SLC4A10: variants seen among roughly 807,000 people sequenced by gnomAD.
SLC4A10 encodes sodium-driven chloride bicarbonate exchanger.
A neutral mutation model predicts 137.7 loss-of-function variants in SLC4A10; 42 were observed. The observed-to-expected ratio is 0.30, with a 90% CI of 0.24 to 0.39. The LOEUF is 0.39. Ranked by LOEUF, SLC4A10 falls within the 10% of genes least tolerant of loss-of-function variation. SLC4A10 has a pLI of 1.00. For synonymous variants in SLC4A10, 474 were observed against 464.1 expected (o/e 1.02, Z -0.27); for missense variants, 925 against 1,355.0 (o/e 0.68, Z 4.98).
intron 1 of SLC4A10, among the ~76,000 whole-genome samples, chr2:161,652,698 T>A (rs911074473): frequency 1.3e-5 from 2 of 152,020 alleles, no homozygotes; most frequent in Admixed American, 1.3e-4. Flanking sequence ...TGCCTAGAAA[T>A]TTTTCAGTTT....
chr2:161,965,286 T>A (rs1396751589), intron 23 of SLC4A10, 113 bp downstream of exon 23: 2 of 1,083,698 alleles, frequency 1.8e-6, no homozygotes, highest in South Asian at 1.7e-5. Flanking sequence ...TAGACAGTGA[T>A]CACTAACAAC....
chr2:161,656,109 G>A (rs1338604719), intron 1 of SLC4A10, among the ~76,000 whole-genome samples: 4 of 152,118 alleles, frequency 2.6e-5, no homozygotes, highest in African/African-American at 9.7e-5. Flanking sequence ...ACCAGGCCCA[G>A]CCAAAAATTC....
At chr2:161,710,339 G>C (rs770804670) in intron 1 of SLC4A10, among the ~76,000 whole-genome samples, 2 of 151,622 alleles carry the variant, frequency 1.3e-5, no homozygotes, top group Non-Finnish European at 3.0e-5. Flanking sequence ...GATTCCTCTT[G>C]GTATTGGTTT....
chr2:161,884,060 G>C (rs2062026418), intron 10 of SLC4A10, among the ~76,000 whole-genome samples: 1 of 151,914 alleles, frequency 6.6e-6, no homozygotes, highest in Admixed American at 6.6e-5. Flanking sequence ...AAGACAGGAG[G>C]ATGAAAAAAA....
At chr2:161,802,568 G>T (rs2055488237) in intron 2 of SLC4A10, among the ~76,000 whole-genome samples, 1 of 152,000 alleles carries the variant, frequency 6.6e-6, no homozygotes, top group South Asian at 2.1e-4. Flanking sequence ...ACTCATTATT[G>T]TAAGGCTTTG....
intron 2 of SLC4A10, among the ~76,000 whole-genome samples, chr2:161,803,272 A>G (rs1177426792): frequency 6.6e-6 from 1 of 152,090 alleles, no homozygotes; most frequent in African/African-American, 2.4e-5. Context: ...GTTCCCATGT[A>G]TTTCCTCTCC....
At chr2:161,671,716 A>G (rs573623689) in intron 1 of SLC4A10, among the ~76,000 whole-genome samples, 2 of 152,174 alleles carry the variant, frequency 1.3e-5, no homozygotes, top group African/African-American at 4.8e-5. Context: ...ACATCGTCTG[A>G]AAATAATCCA....
At chr2:161,944,411 T>C (rs1329611476) in intron 16 of SLC4A10, among the ~76,000 whole-genome samples, 1 of 151,888 alleles carries the variant, frequency 6.6e-6, no homozygotes, top group African/African-American at 2.4e-5. Context: ...AATTTAATAC[T>C]AAATAATAAT....
At chr2:161,879,578 A>G (rs1303113714) in intron 9 of SLC4A10, among the ~76,000 whole-genome samples, 3 of 140,590 alleles carry the variant, frequency 2.1e-5, no homozygotes, top group Non-Finnish European at 4.6e-5. Flanking sequence ...CATTTTTGGT[A>G]AAAGAAGTGG....
At chr2:161,782,578 A>G (rs568376637) in intron 2 of SLC4A10, among the ~76,000 whole-genome samples, 1 of 151,808 alleles carries the variant, frequency 6.6e-6, no homozygotes, top group East Asian at 1.9e-4. Flanking sequence ...TAACTGTCAT[A>G]AAGATGCTCA....
At chr2:161,641,554 G>C (rs1210579152) in intron 1 of SLC4A10, among the ~76,000 whole-genome samples, 1 of 152,076 alleles carries the variant, frequency 6.6e-6, no homozygotes, top group Non-Finnish European at 1.5e-5. Context: ...TCTTGTAGCA[G>C]TTATACCATA....
intron 15 of SLC4A10, among the ~76,000 whole-genome samples, chr2:161,940,974 A>G (rs1049168784): frequency 6.6e-6 from 1 of 152,176 alleles, no homozygotes; most frequent in Non-Finnish European, 1.5e-5. Flanking sequence ...TACCACAGCA[A>G]AAAGGCTGGA....
At chr2:161,630,579 G>A (rs1301526031) in intron 1 of SLC4A10, among the ~76,000 whole-genome samples, 1 of 151,718 alleles carries the variant, frequency 6.6e-6, no homozygotes, top group African/African-American at 2.4e-5. Context: ...TATGATGCTA[G>A]TTAATGGCAG....
intron 15 of SLC4A10, among the ~76,000 whole-genome samples, chr2:161,929,504 A>G (rs1350008942): frequency 6.6e-6 from 1 of 152,200 alleles, no homozygotes; most frequent in Non-Finnish European, 1.5e-5. Context: ...TCAACAAGTC[A>G]CACATATTTT....
At chr2:161,896,905 A>C (rs567064819) in intron 11 of SLC4A10, among the ~76,000 whole-genome samples, 10 of 152,234 alleles carry the variant, frequency 6.6e-5, no homozygotes, top group African/African-American at 1.9e-4. Flanking sequence ...TAAAATTTTA[A>C]TAACAACATT....
chr2:161,756,798 T>C (rs1050965059), intron 1 of SLC4A10, among the ~76,000 whole-genome samples: 4 of 152,270 alleles, frequency 2.6e-5, no homozygotes, highest in Middle Eastern at 3.4e-3. Flanking sequence ...TAAGCCACAA[T>C]TGAAGTTTAA....
chr2:161,640,418 G>T (rs1024229227), intron 1 of SLC4A10, among the ~76,000 whole-genome samples: 11 of 152,082 alleles, frequency 7.2e-5, no homozygotes, highest in African/African-American at 2.4e-4. Flanking sequence ...TATAAGTATT[G>T]TTAAAATTAT....
chr2:161,630,226 G>A (rs1462997438), intron 1 of SLC4A10, among the ~76,000 whole-genome samples: 1 of 151,744 alleles, frequency 6.6e-6, no homozygotes. Context: ...TTGTCGGATT[G>A]ATTCAGTAAT....
chr2:161,860,851 C>T (rs917318773), intron 5 of SLC4A10, among the ~76,000 whole-genome samples: 7 of 151,984 alleles, frequency 4.6e-5, no homozygotes, highest in Admixed American at 3.3e-4. Context: ...CACATATGGC[C>T]GACTGCCTGA....
Sources: gnomAD v4.1 joint callset for allele counts (sites outside exome capture counted in the v4.1 genomes callset) on GRCh38, gnomAD v4.1.1 for gene constraint, MANE v1.5 for transcripts, NCBI Gene and HGNC (gene_info 2026-07-23, HGNC 2026-07-21) for gene names.